The following CPED1 variants were observed in gnomAD, a reference collection of about 807,000 sequenced individuals.
CPED1 encodes cadherin-like and PC-esterase domain-containing protein 1.
In CPED1, 114 loss-of-function variants were observed where a neutral mutation model predicts 128.2. That is an observed-to-expected ratio of 0.89 (90% confidence interval 0.76 to 1.04). CPED1 has a LOEUF of 1.04. CPED1 is among the 50% of genes least tolerant of loss of function. The probability of loss-of-function intolerance (pLI) is 0.00; values close to 1 mark genes in which losing one functional copy is unlikely to be tolerated. For missense variants in CPED1, 1,211 were observed against 1,207.1 expected (o/e 1.00, Z -0.05); for synonymous variants, 462 against 426.7 (o/e 1.08, Z -1.02).
intron 3 of CPED1, among the ~76,000 whole-genome samples, chr7:121,036,507 ATT>A (rs1302763163): frequency 1.5e-5 from 2 of 133,904 alleles, no homozygotes; most frequent in Non-Finnish European, 1.6e-5. Flanking sequence ...ATATATATAT[ATT>A]TTTTTTTTCT....
chr7:121,217,502 C>T (rs991523252), intron 16 of CPED1, among the ~76,000 whole-genome samples: 1 of 151,964 alleles, frequency 6.6e-6, no homozygotes, highest in African/African-American at 2.4e-5. Context: ...TTTCTATAAC[C>T]ATTTCCTAAA....
At chr7:121,153,736 T>C (rs1419944198) in intron 16 of CPED1, among the ~76,000 whole-genome samples, 1 of 152,190 alleles carries the variant, frequency 6.6e-6, no homozygotes, top group Non-Finnish European at 1.5e-5. Flanking sequence ...TTAAAGTAAG[T>C]ACAGTTGACC....
chr7:121,175,830 G>A (rs1796762595), intron 16 of CPED1, among the ~76,000 whole-genome samples: 8 of 152,098 alleles, frequency 5.3e-5, no homozygotes, highest in Admixed American at 5.2e-4. Flanking sequence ...GAGGAAGACT[G>A]ATGCCAGCAC....
Position 121,266,260 on chromosome 7 carries a change from A to T in CPED1, c.2344A>T (p.Ile782Phe), listed in dbSNP as rs752555527. The part of the protein sequence containing the change: ...LFIGDSTNRG[I>F]MYYLIERLNE... ...CATTGGAGATTCAACCAACAGAGGGATCATGTACTATCTTATTGAAAGGCT... is the reference window on the plus strand; with the variant it reads ...CATTGGAGATTCAACCAACAGAGGGTTCATGTACTATCTTATTGAAAGGCT... The change falls in exon 19 of 23, where the codon ATC becomes TTC. Residue 782 changes from isoleucine to phenylalanine, a missense_variant. Physicochemically the swap from Ile to Phe is conservative, Grantham distance 21. Transcript: ENST00000310396. 1.9e-6 allele frequency: 3 copies of T among 1,612,938 alleles called. No individual in the cohort carries two copies. The highest frequency in any genetic ancestry group is 1.3e-5 in the African/African-American group (1 of 74,962).
chr7:121,209,040 A>AT (rs1797585499), intron 16 of CPED1, among the ~76,000 whole-genome samples: 1 of 152,024 alleles, frequency 6.6e-6, no homozygotes, highest in South Asian at 2.1e-4. Context: ...CCAAGGAATG[A>AT]TTTTGTTGTT....
At chr7:121,229,146 C>T (rs555928372) in intron 16 of CPED1, among the ~76,000 whole-genome samples, 2 of 152,012 alleles carry the variant, frequency 1.3e-5, no homozygotes, top group East Asian at 3.9e-4. Context: ...CTTACTTGGC[C>T]ACTAAGCATT....
chr7:121,047,830 C>T (rs1466546547), intron 4 of CPED1, among the ~76,000 whole-genome samples: 1 of 151,700 alleles, frequency 6.6e-6, no homozygotes, highest in Non-Finnish European at 1.5e-5. Context: ...CCTGCCTCAG[C>T]CTCCGGTGGT....
intron 7 of CPED1, among the ~76,000 whole-genome samples, chr7:121,108,291 C>T (rs143108052): frequency 2.0e-5 from 3 of 152,080 alleles, no homozygotes; most frequent in East Asian, 1.9e-4. Context: ...AAGTAGATTG[C>T]GAATGATGAT....
At chr7:121,039,411 T>C (rs892878790) in intron 3 of CPED1, among the ~76,000 whole-genome samples, 2 of 151,664 alleles carry the variant, frequency 1.3e-5, no homozygotes, top group African/African-American at 4.9e-5. Context: ...CTTGTGTATT[T>C]CCTGCCCCAA....
rs529187119 is a variant in CPED1, at chr7:121,198,135, G to A, written c.2056-38579G>A. Among the ~76,000 whole-genome samples the A allele has an allele frequency of 9.5e-4, 145 of 152,194 alleles. 1 individual carries two copies. The Middle Eastern group carries it at 0.014, about 14-fold the overall frequency. ...TAGTGTTGGGGGTAGCAGTTATTACGCGAAAGACAAGGTGGTGTCAGCAGA... is the reference window on the plus strand; with the variant it reads ...TAGTGTTGGGGGTAGCAGTTATTACACGAAAGACAAGGTGGTGTCAGCAGA... On this transcript the variant is annotated intron_variant, in intron 16 of 22. Transcript: ENST00000310396.
At chr7:121,199,450 T>A (rs1797339507) in intron 16 of CPED1, among the ~76,000 whole-genome samples, 1 of 150,904 alleles carries the variant, frequency 6.6e-6, no homozygotes, top group Non-Finnish European at 1.5e-5. Context: ...GAGGCAGAGG[T>A]GGGCAGATCA....
At position 121,124,473 on chromosome 7, in the gene CPED1, G is replaced by T; in HGVS notation, c.1061G>T (p.Arg354Ile). ...TSTLGPKTFHRCRFCFQLLTF... is the reference protein window; with the variant it reads ...TSTLGPKTFHICRFCFQLLTF... Reference sequence around the variant, plus strand: ...ACTCTGGGACCAAAGACCTTCCATAGGTAAAAAACAAATTTTAATTTAAAA... The same window carrying T: ...ACTCTGGGACCAAAGACCTTCCATATGTAAAAAACAAATTTTAATTTAAAA... The change falls in exon 8 of 23, where the codon AGA (arginine) becomes ATA (isoleucine). Residue 354 changes from arginine to isoleucine, a missense_variant and splice_region_variant. Physicochemically the swap from Arg to Ile is moderately conservative, Grantham distance 97 (BLOSUM62 -3). Transcript: ENST00000310396. The T allele has an allele frequency of 1.4e-6, 2 of 1,434,780 alleles. No homozygotes were observed. Among genetic ancestry groups the T allele is most frequent in the Admixed American group, 2.6e-5 (1 of 38,446 alleles). The allele number at this position is 1,434,780 out of a possible 1,614,324, so 88.9% of individuals were successfully genotyped here. A position where few individuals can be genotyped will look rare whatever the true frequency, so the allele number is the denominator to read the frequency against.
chr7:121,286,922 G>C lies in CPED1; in HGVS notation c.2869-8518G>C, dbSNP rs115012808. On this transcript the variant is annotated intron_variant, in intron 22 of 22. Coordinates refer to ENST00000310396, the MANE Select transcript of CPED1 (RefSeq NM_024913.5). ...AGGAGGCCTCAGGAAACTTATGAGT[G>C]TGGCAGAAGGCAAAGAGGAAGCAGG... Among the ~76,000 whole-genome samples, 233 of 152,310 alleles carry C rather than the reference G, an allele frequency of 1.5e-3. 2 individuals carry two copies. Among genetic ancestry groups the C allele is most frequent in the African/African-American group, 5.6e-3 (231 of 41,572 alleles).
At chr7:121,042,411 C>G (rs1793082833) in intron 3 of CPED1, among the ~76,000 whole-genome samples, 1 of 152,082 alleles carries the variant, frequency 6.6e-6, no homozygotes, top group Admixed American at 6.6e-5. Flanking sequence ...AAGGCTAGAG[C>G]TGGATAATTT....
chr7:121,112,056 T>C (rs927957665), intron 7 of CPED1, among the ~76,000 whole-genome samples: 5 of 152,176 alleles, frequency 3.3e-5, no homozygotes, highest in East Asian at 1.9e-4. Flanking sequence ...GACTTGGCCA[T>C]GTGCCTGTCA....
At chr7:121,293,569 G>C (rs1335107836) in intron 22 of CPED1, among the ~76,000 whole-genome samples, 1 of 152,182 alleles carries the variant, frequency 6.6e-6, no homozygotes, top group Non-Finnish European at 1.5e-5. Context: ...AAAGCCTCCT[G>C]CAGCTAGCTC....
At chr7:121,224,456 C>A (rs571881506) in intron 16 of CPED1, among the ~76,000 whole-genome samples, 1 of 152,210 alleles carries the variant, frequency 6.6e-6, no homozygotes, top group Admixed American at 6.5e-5. Context: ...GTGGAGAGTT[C>A]TGTAGATGTC....
At chr7:121,161,011 A>G (rs537747093) in intron 16 of CPED1, among the ~76,000 whole-genome samples, 1 of 152,238 alleles carries the variant, frequency 6.6e-6, no homozygotes, top group African/African-American at 2.4e-5. Context: ...CAAAAGGAAA[A>G]AATTTAGGAA....
chr7:121,203,241 G>A (rs1797440851), intron 16 of CPED1, among the ~76,000 whole-genome samples: 1 of 151,938 alleles, frequency 6.6e-6, no homozygotes, highest in African/African-American at 2.4e-5. Flanking sequence ...CTCTAAGACG[G>A]AGCTGTCTAT....
Sources: allele counts gnomAD v4.1 joint callset (sites outside exome capture counted in the v4.1 genomes callset), GRCh38; gene constraint gnomAD v4.1.1; transcripts MANE v1.5; gene names NCBI Gene and HGNC (gene_info 2026-07-23, HGNC 2026-07-21).